Variants in GPR158 observed in about 807,000 individuals in gnomAD.
GPR158 encodes the protein metabotropic glycine receptor.
GPR158 carries 30 observed loss-of-function variants against 78.2 expected under a neutral mutation model. That is an observed-to-expected ratio of 0.38 (90% confidence interval 0.29 to 0.52). The LOEUF is 0.52. Among genes scored for constraint, GPR158 ranks in the 20% least tolerant of loss-of-function variants. The pLI is 0.83. For synonymous variants in GPR158, 581 were observed against 591.1 expected (o/e 0.98, Z 0.25); for missense variants, 1,463 against 1,523.5 (o/e 0.96, Z 0.66).
chr10:25,385,206 T>C (rs143290510), intron 2 of GPR158, among the ~76,000 whole-genome samples: 23 of 152,164 alleles, frequency 1.5e-4, no homozygotes, highest in Non-Finnish European at 8.8e-5. Context: ...ATATAGGTGG[T>C]ATCATAGAGT....
chr10:25,204,610 A>T (rs1296664590), intron 1 of GPR158, among the ~76,000 whole-genome samples: 1 of 152,068 alleles, frequency 6.6e-6, no homozygotes, highest in East Asian at 1.9e-4. Flanking sequence ...AGCCCACTTG[A>T]TCATGGTGGA....
At chr10:25,331,182 C>T (rs1033351031) in intron 2 of GPR158, among the ~76,000 whole-genome samples, 6 of 152,154 alleles carry the variant, frequency 3.9e-5, no homozygotes, top group African/African-American at 1.2e-4. Context: ...TCAACTAATC[C>T]TCCAGCCTCA....
At chr10:25,433,686 C>CTT (rs1834953006) in intron 4 of GPR158, among the ~76,000 whole-genome samples, 1 of 64,762 alleles carries the variant, frequency 1.5e-5, no homozygotes, top group Admixed American at 1.3e-4. Flanking sequence ...TTCTTTCTTT[C>CTT]TTTCTTTCTT....
chr10:25,433,537 T>C (rs1219991059), intron 4 of GPR158, among the ~76,000 whole-genome samples: 1 of 40,036 alleles, frequency 2.5e-5, no homozygotes, highest in East Asian at 2.7e-4. Flanking sequence ...TAGGGGTGTG[T>C]GTGTGTGTGT....
intron 5 of GPR158, among the ~76,000 whole-genome samples, chr10:25,548,370 A>G (rs1836690381): frequency 6.6e-6 from 1 of 152,128 alleles, no homozygotes; most frequent in African/African-American, 2.4e-5. Flanking sequence ...TGAGATGATG[A>G]GATATAATTG....
chr10:25,426,939 A>G (rs10828800), intron 4 of GPR158, among the ~76,000 whole-genome samples: 106,326 of 151,916 alleles, frequency 0.7, 38,209 homozygotes, highest in Non-Finnish European at 0.8. Flanking sequence ...CACAGTTTCA[A>G]TGATGCAAAG....
At chr10:25,506,035 C>T (rs1836008842) in intron 5 of GPR158, among the ~76,000 whole-genome samples, 1 of 152,202 alleles carries the variant, frequency 6.6e-6, no homozygotes, top group African/African-American at 2.4e-5. Flanking sequence ...GTATCTGACA[C>T]ATTTTAAGCA....
chr10:25,247,284 G>A (rs530125978), intron 2 of GPR158, among the ~76,000 whole-genome samples: 1 of 149,566 alleles, frequency 6.7e-6, no homozygotes, highest in East Asian at 2.0e-4. Context: ...AACCTATCAT[G>A]GTTTTAAAAT....
chr10:25,179,579 A>C (rs1004500121), intron 1 of GPR158, among the ~76,000 whole-genome samples: 1 of 152,172 alleles, frequency 6.6e-6, no homozygotes, highest in Non-Finnish European at 1.5e-5. Context: ...ATTGCTGTTT[A>C]TCACTGTAAA....
At chr10:25,330,537 G>C (rs555131179) in intron 2 of GPR158, among the ~76,000 whole-genome samples, 1 of 152,286 alleles carries the variant, frequency 6.6e-6, no homozygotes, top group South Asian at 2.1e-4. Context: ...CAGCTTAGTA[G>C]ATTGATCCTG....
At chr10:25,399,326 C>A (rs138243248) in intron 3 of GPR158, among the ~76,000 whole-genome samples, 9 of 152,168 alleles carry the variant, frequency 5.9e-5, no homozygotes, top group Non-Finnish European at 1.3e-4. Flanking sequence ...GGACCCAGAG[C>A]CAAACCATAT....
intron 5 of GPR158, among the ~76,000 whole-genome samples, chr10:25,544,371 A>T (rs1451452837): frequency 6.6e-6 from 1 of 151,838 alleles, no homozygotes; most frequent in East Asian, 1.9e-4. Context: ...GTTCTTGTTT[A>T]AAAATTATTT....
At chr10:25,357,127 A>T (rs1042479610) in intron 2 of GPR158, among the ~76,000 whole-genome samples, 8 of 152,072 alleles carry the variant, frequency 5.3e-5, no homozygotes, top group Non-Finnish European at 1.0e-4. Context: ...GGAACTTTGA[A>T]CCTGAGAGAG....
chr10:25,349,675 C>T (rs988795256), intron 2 of GPR158, among the ~76,000 whole-genome samples: 1 of 146,834 alleles, frequency 6.8e-6, no homozygotes, highest in Non-Finnish European at 1.5e-5. Context: ...TTCTGTACAG[C>T]CTGTGGAACT....
chr10:25,311,222 T>G (rs904500659), intron 2 of GPR158, among the ~76,000 whole-genome samples: 4 of 100,722 alleles, frequency 4.0e-5, no homozygotes, highest in Admixed American at 2.6e-4. Context: ...AACTTTTTGA[T>G]TTTTTTTGGA....
At chr10:25,371,446 C>G (rs564356474) in intron 2 of GPR158, among the ~76,000 whole-genome samples, 1 of 151,958 alleles carries the variant, frequency 6.6e-6, no homozygotes, top group East Asian at 1.9e-4. Context: ...TGCTACCTGA[C>G]TTCAAACTAT....
At chr10:25,319,474 T>C (rs1205483818) in intron 2 of GPR158, among the ~76,000 whole-genome samples, 1 of 152,148 alleles carries the variant, frequency 6.6e-6, no homozygotes, top group African/African-American at 2.4e-5. Flanking sequence ...AAAAGTAAAG[T>C]TGCAGAATTT....
At chr10:25,426,459 A>C (rs1043975557) in intron 4 of GPR158, among the ~76,000 whole-genome samples, 1 of 152,092 alleles carries the variant, frequency 6.6e-6, no homozygotes, top group Non-Finnish European at 1.5e-5. Context: ...TTTTGATTTG[A>C]AGTAAGAAAC....
intron 4 of GPR158, among the ~76,000 whole-genome samples, chr10:25,412,804 T>C (rs1834610917): frequency 1.3e-5 from 2 of 152,232 alleles, no homozygotes; most frequent in African/African-American, 4.8e-5. Context: ...TTAATTTTTT[T>C]GTATCCAAGA....
Sources: gnomAD v4.1 joint callset for allele counts (sites outside exome capture counted in the v4.1 genomes callset) on GRCh38, gnomAD v4.1.1 for gene constraint, MANE v1.5 for transcripts, NCBI Gene and HGNC (gene_info 2026-07-23, HGNC 2026-07-21) for gene names.